Variants in GRID2 observed in about 807,000 individuals in gnomAD.
GRID2 encodes glutamate ionotropic receptor delta type subunit 2.
Under a neutral mutation model 114.8 loss-of-function variants are expected in GRID2, and 33 were observed. That is an observed-to-expected ratio of 0.29 (90% CI 0.22 to 0.38). The LOEUF (loss-of-function observed/expected upper bound fraction) is 0.38, where lower values mean the gene tolerates loss of function less well. GRID2 is among the 10% of genes least tolerant of loss of function. The probability of loss-of-function intolerance (pLI) is 1.00; values close to 1 mark genes in which losing one functional copy is unlikely to be tolerated. For missense variants in GRID2, 1,184 were observed against 1,257.7 expected, an observed-to-expected ratio of 0.94 and a Z score of 0.89; for synonymous variants, 505 against 449.9, an observed-to-expected ratio of 1.12 and a Z score of -1.55.
chr4:92,994,026 T>G (rs767787993), intron 2 of GRID2, among the ~76,000 whole-genome samples: 4 of 152,184 alleles, frequency 2.6e-5, no homozygotes, highest in Non-Finnish European at 5.9e-5. Flanking sequence ...GTTCCTCATC[T>G]TTTATCCAGT....
At chr4:93,723,476 A>G (rs1578661172) in intron 14 of GRID2, among the ~76,000 whole-genome samples, 1 of 152,254 alleles carries the variant, frequency 6.6e-6, no homozygotes, top group African/African-American at 2.4e-5. Context: ...ATCAGAATTG[A>G]TGTTAGCTAC....
At chr4:93,595,642 T>A (rs921269217) in intron 13 of GRID2, among the ~76,000 whole-genome samples, 2 of 152,266 alleles carry the variant, frequency 1.3e-5, no homozygotes, top group African/African-American at 4.8e-5. Flanking sequence ...TTAAATGACT[T>A]ATCCCTGATT....
At position 92,942,829 on chromosome 4, in the gene GRID2, A is replaced by G. The variant is rs181374019; in HGVS notation, c.245-142166A>G. On this transcript the variant is annotated intron_variant, in intron 2 of 15. Coordinates refer to ENST00000282020, the MANE Select transcript of GRID2 (RefSeq NM_001510.4). ...GATTTTATTTCTCCTTCGCTTATGA[A>G]GCTTAGTTTGGCTGGATATGAAATT... Among the ~76,000 whole-genome samples the G allele has an allele frequency of 1.5e-3, 232 of 152,186 alleles. 1 individual carries two copies. The highest frequency in any genetic ancestry group is 5.2e-3 in the African/African-American group (215 of 41,518).
chr4:92,775,237 C>T (rs1268170839), intron 2 of GRID2, among the ~76,000 whole-genome samples: 1 of 152,102 alleles, frequency 6.6e-6, no homozygotes, highest in Non-Finnish European at 1.5e-5. Context: ...ATTCAGTACC[C>T]TGGGATAGAG....
At chr4:93,490,506 A>C in intron 11 of GRID2, 133 bp from the exon 12 acceptor site, 1 of 565,048 alleles carries the variant, frequency 1.8e-6, no homozygotes, top group African/African-American at 1.9e-5. Flanking sequence ...ATGAAAATAT[A>C]GAGATCTATG....
intron 8 of GRID2, among the ~76,000 whole-genome samples, chr4:93,241,271 A>G (rs1747477069): frequency 6.6e-6 from 1 of 151,666 alleles, no homozygotes; most frequent in South Asian, 2.1e-4. Context: ...ATTTTCTGCA[A>G]ATTGTCTTGT....
chr4:92,798,026 T>A (rs1739975046), intron 2 of GRID2, among the ~76,000 whole-genome samples: 1 of 152,010 alleles, frequency 6.6e-6, no homozygotes, highest in Non-Finnish European at 1.5e-5. Context: ...TTTAAGGTCC[T>A]GAATCAAACA....
intron 13 of GRID2, among the ~76,000 whole-genome samples, chr4:93,543,710 T>TAGAGAGAGAGAGAGAG (rs34742442): frequency 2.7e-4 from 36 of 133,590 alleles, no homozygotes; most frequent in African/African-American, 9.4e-4. Context: ...GAGTGAGAGA[T>TAGAGAGAGAGAGAGAG]AGAGAGAGAG....
chr4:93,164,797 GCA>G (rs1207343871), intron 4 of GRID2: 2 of 401,670 alleles, frequency 5.0e-6, no homozygotes, highest in African/African-American at 2.0e-5. Context: ...TCATGCCAGA[GCA>G]CAGACACTTA....
intron 5 of GRID2, among the ~76,000 whole-genome samples, chr4:93,209,005 C>T (rs777521809): frequency 2.6e-5 from 4 of 151,968 alleles, no homozygotes; most frequent in Non-Finnish European, 4.4e-5. Context: ...TTAAACAATT[C>T]AGCAAATATT....
chr4:93,531,335 T>A (rs1008598067), intron 13 of GRID2, among the ~76,000 whole-genome samples: 1 of 152,166 alleles, frequency 6.6e-6, no homozygotes, highest in African/African-American at 2.4e-5. Context: ...CTGGCAAACC[T>A]AGTCTTTATT....
At chr4:92,681,075 C>T (rs17256766) in intron 2 of GRID2, among the ~76,000 whole-genome samples, 4,290 of 152,002 alleles carry the variant, frequency 0.028, 74 homozygotes, top group Non-Finnish European at 0.042. Flanking sequence ...AGAATAGCAC[C>T]ACAGAAACCT....
At chr4:93,452,333 G>A (rs1011034315) in intron 10 of GRID2, among the ~76,000 whole-genome samples, 1 of 151,788 alleles carries the variant, frequency 6.6e-6, no homozygotes, top group Non-Finnish European at 1.5e-5. Flanking sequence ...TGAGGAATAG[G>A]GTATCCAACA....
intron 3 of GRID2, among the ~76,000 whole-genome samples, chr4:93,108,030 C>G (rs1288230235): frequency 2.0e-5 from 3 of 152,156 alleles, no homozygotes; most frequent in Non-Finnish European, 4.4e-5. Context: ...CCACAGTGGT[C>G]TCCTATAGAT....
chr4:92,986,533 C>G (rs1391876147), intron 2 of GRID2, among the ~76,000 whole-genome samples: 1 of 152,072 alleles, frequency 6.6e-6, no homozygotes, highest in African/African-American at 2.4e-5. Flanking sequence ...CCTCCCAACC[C>G]TAGAAAACTA....
chr4:92,664,564 T>G (rs941525515), intron 2 of GRID2, among the ~76,000 whole-genome samples: 10 of 151,132 alleles, frequency 6.6e-5, no homozygotes, highest in African/African-American at 2.4e-4. Flanking sequence ...TTAGACCTAG[T>G]TAGCTTATTG....
At chr4:92,531,256 G>A (rs936139072) in intron 1 of GRID2, among the ~76,000 whole-genome samples, 1 of 152,128 alleles carries the variant, frequency 6.6e-6, no homozygotes, top group East Asian at 1.9e-4. Context: ...GCATAATTAG[G>A]AGGAGAAAAT....
chr4:92,568,293 G>C (rs939220682), intron 1 of GRID2, among the ~76,000 whole-genome samples: 11 of 152,150 alleles, frequency 7.2e-5, no homozygotes, highest in African/African-American at 2.6e-4. Flanking sequence ...CAAAGTGTCT[G>C]ATTATAGAAG....
At chr4:93,546,521 G>A (rs1560737598) in intron 13 of GRID2, among the ~76,000 whole-genome samples, 1 of 152,148 alleles carries the variant, frequency 6.6e-6, no homozygotes, top group African/African-American at 2.4e-5. Flanking sequence ...CAGTGATGCT[G>A]TTAGTATGGT....
Sources: gnomAD v4.1 joint callset for allele counts (sites outside exome capture counted in the v4.1 genomes callset) on GRCh38, gnomAD v4.1.1 for gene constraint, MANE v1.5 for transcripts, NCBI Gene and HGNC (gene_info 2026-07-23, HGNC 2026-07-21) for gene names.